The following DOCK9 variants were observed in gnomAD, a reference collection of about 807,000 sequenced individuals.
The protein encoded by DOCK9 is dedicator of cytokinesis protein 9.
A neutral mutation model predicts 263.3 loss-of-function variants in DOCK9; 89 were observed. The ratio of observed to expected loss-of-function variants is 0.34; its 90% CI spans 0.28 to 0.40. The LOEUF (loss-of-function observed/expected upper bound fraction) is 0.40, where lower values mean the gene tolerates loss of function less well. Among genes scored for constraint, DOCK9 ranks in the 10% least tolerant of loss-of-function variants. The pLI, the probability that DOCK9 is intolerant of heterozygous loss-of-function variation, is 1.00. For synonymous variants in DOCK9, 976 were observed against 973.1 expected (o/e 1.00, Z -0.06); for missense variants, 2,140 against 2,603.4 (o/e 0.82, Z 3.87).
chr13:98,951,352 T>C (rs1402232600), intron 2 of DOCK9, among the ~76,000 whole-genome samples: 2 of 152,240 alleles, frequency 1.3e-5, no homozygotes, highest in Non-Finnish European at 2.9e-5. Context: ...TAATATTTAC[T>C]TGATGAATCA....
chr13:98,887,411 T>G (rs1352061718), intron 18 of DOCK9, among the ~76,000 whole-genome samples: 1 of 150,422 alleles, frequency 6.6e-6, no homozygotes, highest in East Asian at 1.9e-4. Context: ...GGTCAGGAGA[T>G]CGAGACCATC....
intron 1 of DOCK9, among the ~76,000 whole-genome samples, chr13:99,001,401 G>T (rs570507471): frequency 3.9e-5 from 6 of 152,232 alleles, no homozygotes; most frequent in African/African-American, 2.4e-5. Flanking sequence ...AATGGAGAGA[G>T]TATCTTTTCA....
At chr13:98,985,612 A>T (rs1048439785) in intron 1 of DOCK9, among the ~76,000 whole-genome samples, 1 of 152,244 alleles carries the variant, frequency 6.6e-6, no homozygotes, top group African/African-American at 2.4e-5. Context: ...TTTGATCGTG[A>T]TAACAATAAT....
At chr13:98,830,642 T>G (rs1371381176) in intron 41 of DOCK9, among the ~76,000 whole-genome samples, 2 of 152,220 alleles carry the variant, frequency 1.3e-5, no homozygotes, top group East Asian at 1.9e-4. Context: ...CTATGCATCC[T>G]TCACATCCTC....
At chr13:99,022,853 C>A (rs930065873) in intron 1 of DOCK9, among the ~76,000 whole-genome samples, 1 of 151,968 alleles carries the variant, frequency 6.6e-6, no homozygotes, top group Admixed American at 6.6e-5. Context: ...GAGGCTGAGG[C>A]GAGAAAAATC....
chr13:98,967,687 C>T (rs2059346327), intron 1 of DOCK9, among the ~76,000 whole-genome samples: 1 of 152,202 alleles, frequency 6.6e-6, no homozygotes, highest in South Asian at 2.1e-4. Context: ...GAATTCTCCC[C>T]ACTCTGAGAT....
At chr13:98,953,870 T>C (rs959319684) in intron 2 of DOCK9, among the ~76,000 whole-genome samples, 2 of 152,196 alleles carry the variant, frequency 1.3e-5, no homozygotes, top group African/African-American at 4.8e-5. Flanking sequence ...ACACGAATGG[T>C]CAATTTCATT....
At chr13:99,034,305 C>A (rs1887637496) in intron 1 of DOCK9, among the ~76,000 whole-genome samples, 2 of 152,206 alleles carry the variant, frequency 1.3e-5, no homozygotes. Flanking sequence ...GGTAACAGCT[C>A]TCCAGTAGCA....
At chr13:98,962,445 T>C (rs2058736234) in intron 1 of DOCK9, among the ~76,000 whole-genome samples, 1 of 151,914 alleles carries the variant, frequency 6.6e-6, no homozygotes, top group Non-Finnish European at 1.5e-5. Context: ...CCTGATAGGG[T>C]CGTGTGTCCA....
At chr13:99,005,153 C>T (rs1022715267) in intron 1 of DOCK9, among the ~76,000 whole-genome samples, 25 of 151,832 alleles carry the variant, frequency 1.6e-4, no homozygotes, top group African/African-American at 5.6e-4. Flanking sequence ...CATCAAAATG[C>T]CCCAGAGAGT....
intron 1 of DOCK9, among the ~76,000 whole-genome samples, chr13:99,046,239 G>T (rs755696203): frequency 6.6e-6 from 1 of 152,192 alleles, no homozygotes; most frequent in African/African-American, 2.4e-5. Flanking sequence ...CAAGCCGAGC[G>T]ACCTCCCACC....
intron 18 of DOCK9, among the ~76,000 whole-genome samples, chr13:98,887,143 A>ATTTTTTTTTTTTTTTTTTTTT (rs58434344): frequency 1.0e-5 from 1 of 95,292 alleles, no homozygotes; most frequent in Non-Finnish European, 2.0e-5. Context: ...ATATATATAT[A>ATTTTTTTTTTTTTTTTTTTTT]TTTTTTTTTT....
intron 1 of DOCK9, among the ~76,000 whole-genome samples, chr13:99,005,417 G>A (rs1883158146): frequency 1.3e-5 from 2 of 152,166 alleles, no homozygotes; most frequent in African/African-American, 4.8e-5. Context: ...ACTGACAGCT[G>A]TATAAGAACC....
chr13:98,848,646 G>A lies in DOCK9; in HGVS notation c.4014-7C>T, dbSNP rs1418274577. Reference sequence around the variant, plus strand: ...GAACTGGTGCAGGCAGACTCTGCAGGCAAGATGAAAAATTATTAGGGAAAT... The same window carrying A: ...GAACTGGTGCAGGCAGACTCTGCAGACAAGATGAAAAATTATTAGGGAAAT... On this transcript the variant is annotated splice_polypyrimidine_tract_variant and splice_region_variant and intron_variant, in intron 36 of 52. Coordinates refer to ENST00000682017, the MANE Select transcript of DOCK9 (RefSeq NM_001366683.2). 8.7e-6 allele frequency: 14 copies of A among 1,610,820 alleles called. No homozygotes were observed. In the South Asian group the frequency reaches 1.4e-4, roughly 17 times the overall value.
At chr13:98,988,865 T>G (rs889896040) in intron 1 of DOCK9, among the ~76,000 whole-genome samples, 2 of 152,222 alleles carry the variant, frequency 1.3e-5, no homozygotes, top group African/African-American at 4.8e-5. Flanking sequence ...CCCACATTAA[T>G]TCCCCCGTGA....
At position 98,930,272 on chromosome 13, in the gene DOCK9, A is replaced by C. The variant is rs763924368; in HGVS notation, c.244-15T>G. ...AGGATGGCCGTCTGGAAACAAAAAC[A>C]GGAGGAAAAGCCTTGGGTAAGTGAA... On this transcript the variant is annotated splice_polypyrimidine_tract_variant and intron_variant, in intron 2 of 52. Coordinates refer to ENST00000682017, the MANE Select transcript of DOCK9 (RefSeq NM_001366683.2). 6 of 1,599,956 alleles carry C rather than the reference A, an allele frequency of 3.8e-6. No individual in the cohort carries two copies. The African/African-American group carries it at 8.0e-5, about 21-fold the overall frequency.
At chr13:99,001,995 C>T (rs1047771647) in intron 1 of DOCK9, among the ~76,000 whole-genome samples, 1 of 152,328 alleles carries the variant, frequency 6.6e-6, no homozygotes, top group South Asian at 2.1e-4. Context: ...TCCCCACCTA[C>T]GCTTACATCC....
Position 99,079,689 on chromosome 13 carries a change from G to A in DOCK9, c.129+6534C>T, listed in dbSNP as rs542717221. On this transcript the variant is annotated intron_variant, in intron 1 of 32. Transcript: ENST00000427887. ...CTCAGCCAATCAGTGGCAAAGCCAA[G>A]GCTCACCTCCAAAGCCCAGGTCCAA... Among the ~76,000 whole-genome samples, 7 of 152,342 alleles carry A rather than the reference G, an allele frequency of 4.6e-5. 1 individual carries two copies. The South Asian group carries it at 8.3e-4, about 18-fold the overall frequency.
upstream of DOCK9, chr13:98,978,106 G>A: frequency 1.4e-6 from 2 of 1,408,368 alleles, no homozygotes; most frequent in Non-Finnish European, 1.8e-6. Flanking sequence ...GCCTCCAGGG[G>A]TGTTACTACT....
Sources: allele counts gnomAD v4.1 joint callset (sites outside exome capture counted in the v4.1 genomes callset), GRCh38; gene constraint gnomAD v4.1.1; transcripts MANE v1.5; gene names NCBI Gene and HGNC (gene_info 2026-07-23, HGNC 2026-07-21).